Variants in TMPRSS6 observed in about 807,000 individuals in gnomAD.
The protein encoded by TMPRSS6 is transmembrane protease serine 6.
A neutral mutation model predicts 101.5 loss-of-function variants in TMPRSS6; 67 were observed. The ratio of observed to expected loss-of-function variants is 0.66; its 90% confidence interval spans 0.54 to 0.81. TMPRSS6 has a LOEUF of 0.81. Ranked by LOEUF, TMPRSS6 falls within the 30% of genes least tolerant of loss-of-function variation. The pLI is 0.00. For missense variants in TMPRSS6, 1,034 were observed against 1,088.7 expected (o/e 0.95, Z 0.71); for synonymous variants, 453 against 464.9 (o/e 0.97, Z 0.33).
rs1040347958 is a variant in TMPRSS6, at chr22:37,084,338, C to T, written c.1153G>A (p.Asp385Asn). ...DAYALRRQKY[D>N]LPCTQGQWTI... ...CACTGGCCCTGGGTGCACGGCAAAT[C>T]ATACTTCTGCCTCCTCAGTGCATAG... is the stretch of plus-strand genomic sequence containing the variant. The change falls in exon 10 of 18, where the codon GAT becomes AAT. Residue 385 changes from aspartate to asparagine, a missense_variant. Transcript: ENST00000676104. 1.9e-6 allele frequency: 3 copies of T among 1,613,606 alleles called. No individual in the cohort carries two copies. The African/African-American group carries it at 4.0e-5, about 22-fold the overall frequency.
chr22:37,091,495 C>T (rs1929260125), intron 6 of TMPRSS6, among the ~76,000 whole-genome samples: 1 of 152,084 alleles, frequency 6.6e-6, no homozygotes, highest in South Asian at 2.1e-4. Flanking sequence ...ACTACCCTCC[C>T]CACCTAGCAC....
rs1205696287 is a variant in TMPRSS6 at position 37,084,714 on chromosome 22, G to T, written c.1086+13C>A. 2 of 1,552,026 alleles carry T rather than the reference G, an allele frequency of 1.3e-6. No individual in the cohort carries two copies. The highest frequency in any genetic ancestry group is 1.9e-5 in the Admixed American group (1 of 51,392). On this transcript the variant is annotated intron_variant, in intron 9 of 17. Coordinates refer to ENST00000676104, the MANE Select transcript of TMPRSS6 (RefSeq NM_001374504.1). ...CGGCAGAGGGCAGGTGGGCAGGCAG[G>T]GTGGGGTCTCACCGTGAGGTGCCAG... is the stretch of plus-strand genomic sequence containing the variant.
intron 10 of TMPRSS6, among the ~76,000 whole-genome samples, chr22:37,079,001 G>GAAAGAAAGAAAGAA (rs1928030618): frequency 6.6e-6 from 1 of 150,950 alleles, no homozygotes; most frequent in Admixed American, 6.6e-5. Context: ...AAGAAAGAAA[G>GAAAGAAAGAAAGAA]AAAGAAAGAA....
intron 7 of TMPRSS6, among the ~76,000 whole-genome samples, chr22:37,088,241 C>A (rs752318854): frequency 3.9e-5 from 6 of 152,132 alleles, no homozygotes; most frequent in Non-Finnish European, 5.9e-5. Context: ...GCACATGCCG[C>A]AGATCGAGGT....
intron 2 of TMPRSS6, among the ~76,000 whole-genome samples, chr22:37,100,751 A>T (rs1450309244): frequency 6.6e-6 from 1 of 152,202 alleles, no homozygotes; most frequent in African/African-American, 2.4e-5. Flanking sequence ...TGTGGGTGTT[A>T]TCAGGGTATA....
At chr22:37,084,221 G>A (rs1486951641) in intron 10 of TMPRSS6, 74 bp downstream of exon 10, 1 of 1,288,940 alleles carries the variant, frequency 7.8e-7, no homozygotes. Context: ...TCCAATGAGG[G>A]GGTCACTATT....
intron 1 of TMPRSS6, among the ~76,000 whole-genome samples, chr22:37,105,371 C>A (rs561344285): frequency 5.9e-4 from 90 of 152,334 alleles, no homozygotes; most frequent in African/African-American, 2.1e-3. Flanking sequence ...CGTCCGGCAA[C>A]GGGTGGGACA....
intron 7 of TMPRSS6, 23 bp downstream of exon 7, chr22:37,089,545 CCCTCCCTCCT>C: frequency 1.2e-6 from 1 of 812,844 alleles, no homozygotes; most frequent in Non-Finnish European, 1.9e-6. Flanking sequence ...CCTTTTCCAG[CCCTCCCTCCT>C]GCCCTCCTTC....
chr22:37,068,707 AG>A (rs1202005964), intron 16 of TMPRSS6: 1 of 779,562 alleles, frequency 1.3e-6, no homozygotes, highest in African/African-American at 1.7e-5. Flanking sequence ...TATGAAGTCA[AG>A]TTCCCCTAAA....
chr22:37,094,381 T>TA (rs1555891518), intron 6 of TMPRSS6, among the ~76,000 whole-genome samples: 2 of 130,940 alleles, frequency 1.5e-5, no homozygotes, highest in East Asian at 2.2e-4. Context: ...TAATGATTGA[T>TA]GATAGATAGA....
chr22:37,070,799 G>A, intron 14 of TMPRSS6, 117 bp downstream of exon 14: 3 of 1,307,536 alleles, frequency 2.3e-6, no homozygotes, highest in African/African-American at 1.4e-5. Flanking sequence ...AGGCAAGGGG[G>A]CAGAGGATGA....
At chr22:37,106,858 G>A (rs1930745120) in intron 1 of TMPRSS6, among the ~76,000 whole-genome samples, 1 of 152,176 alleles carries the variant, frequency 6.6e-6, no homozygotes, top group Non-Finnish European at 1.5e-5. Context: ...CTGGACTGTG[G>A]GGAACTCTTA....
At position 37,066,107 on chromosome 22, in the gene TMPRSS6, G is replaced by A. The variant is rs1393579148; in HGVS notation, c.2382C>T (p.Ile794=). Residue 794 remains isoleucine, a synonymous_variant, in exon 18 of 18, where the codon ATC becomes ATT. Transcript: ENST00000676104. ...FGVYTRITGV[I]SWIQQVVT ...AGGTCACCACTTGCTGGATCCAGCT[G>A]ATCACACCTGTGATGCGGGTGTAGA... The A allele has an allele frequency of 1.2e-6, 2 of 1,613,476 alleles. No homozygotes were observed. Among genetic ancestry groups the A allele is most frequent in the South Asian group, 1.1e-5 (1 of 91,082 alleles).
rs778496383 is a variant in TMPRSS6, at chr22:37,073,070, G to A, written c.1555+462C>T. ...TGGGTGGATGGATGGATGATGGATG[G>A]ATGGATGGATGGATAGACGGATGAT... On this transcript the variant is annotated intron_variant, in intron 13 of 17. Transcript: ENST00000676104. Among the ~76,000 whole-genome samples the A allele has an allele frequency of 2.5e-4, 36 of 144,012 alleles. No individual in the cohort carries two copies. The Middle Eastern group carries it at 0.018, about 73-fold the overall frequency. The allele number at this position is 144,012 out of a possible 152,430, so 94.5% of individuals were successfully genotyped here. A position where few individuals can be genotyped will look rare whatever the true frequency, so the allele number is the denominator to read the frequency against.
intron 6 of TMPRSS6, among the ~76,000 whole-genome samples, chr22:37,092,204 C>T (rs1929331024): frequency 6.6e-6 from 1 of 151,662 alleles, no homozygotes; most frequent in African/African-American, 2.4e-5. Context: ...ATTAACTGAA[C>T]ACGCCTTGGG....
At position 37,069,219 on chromosome 22, in the gene TMPRSS6, T is replaced by C; in HGVS notation, c.1967A>G (p.His656Arg). 6.2e-7 allele frequency: 1 copy of C among 1,609,212 alleles called. No homozygotes were observed. Among genetic ancestry groups the C allele is most frequent in the Non-Finnish European group, 8.5e-7 (1 of 1,178,524 alleles). The change falls in exon 16 of 18, where the codon CAT becomes CGT. Residue 656 changes from histidine to arginine, a missense_variant. His to Arg is a conservative substitution (Grantham distance 29, BLOSUM62 0). Coordinates refer to ENST00000676104, the MANE Select transcript of TMPRSS6 (RefSeq NM_001374504.1). The surrounding 1 kb of genome is among the most constrained non-coding windows in gnomAD (Gnocchi z 4.8). ...LLHPYHEEDS[H>R]DYDVALLQLD... ...CTGCAGCAGCGCCACGTCGTAGTCA[T>C]GGCTGTCCTCTTCGTGGTACGGGTG...
chr22:37,067,531 T>C (rs1201282989), intron 16 of TMPRSS6, among the ~76,000 whole-genome samples: 1 of 152,174 alleles, frequency 6.6e-6, no homozygotes, highest in Non-Finnish European at 1.5e-5. Context: ...TCCAGCTTCT[T>C]GTCCCCCACC....
intron 4 of TMPRSS6, 117 bp downstream of exon 4, chr22:37,096,531 T>C: frequency 8.5e-7 from 1 of 1,172,162 alleles, no homozygotes; most frequent in South Asian, 1.3e-5. Context: ...TCCCTCTCTA[T>C]GCCTTAGTTT....
intron 16 of TMPRSS6, among the ~76,000 whole-genome samples, chr22:37,067,203 G>T (rs556812433): frequency 6.6e-6 from 1 of 152,322 alleles, no homozygotes; most frequent in African/African-American, 2.4e-5. Context: ...GGGCACGGTG[G>T]CTCATGCCTG....
Sources: gnomAD v4.1 joint callset for allele counts (sites outside exome capture counted in the v4.1 genomes callset) on GRCh38, gnomAD v4.1.1 for gene constraint, Gnocchi (gnomAD v3.1) non-coding constraint, MANE v1.5 for transcripts, NCBI Gene and HGNC (gene_info 2026-07-23, HGNC 2026-07-21) for gene names.